The following ZNF726 variants were observed in gnomAD, a reference collection of about 807,000 sequenced individuals.
ZNF726 encodes the protein zinc finger protein 726.
A neutral mutation model predicts 11.6 loss-of-function variants in ZNF726; 15 were observed. The observed-to-expected ratio is 1.29, with a 90% confidence interval of 0.86 to 1.99. The LOEUF is 1.99. Ranked by LOEUF, ZNF726 falls within the 30% of genes most tolerant of loss-of-function variation. The probability of loss-of-function intolerance (pLI) is 0.00; values close to 1 mark genes in which losing one functional copy is unlikely to be tolerated. For synonymous variants in ZNF726, 295 were observed against 243.6 expected (o/e 1.21, Z -1.96); for missense variants, 890 against 725.6 (o/e 1.23, Z -2.60).
chr19:23,933,507 G>C lies in ZNF726; in HGVS notation c.1391G>C (p.Arg464Pro), dbSNP rs935012299. 1 of 1,610,458 alleles carries C rather than the reference G, an allele frequency of 6.2e-7. No homozygotes were observed. Residue 464 changes from arginine (R) to proline (P), a missense_variant, in exon 4 of 4, where the codon CGA becomes CCA. Transcript: ENST00000594466. ...KCEECSKAFS[R>P]SSALTTHKRM... The stretch of plus-strand genomic sequence containing the variant: ...GAAGAATGTAGTAAAGCATTTAGCC[G>C]ATCCTCAGCCCTAACTACACATAAG...
rs2144990848 is a variant in ZNF726, at chr19:23,933,393, A to C, written c.1277A>C (p.Lys426Thr). 1 of 1,612,832 alleles carries C rather than the reference A, an allele frequency of 6.2e-7. No individual in the cohort carries two copies. Among genetic ancestry groups the C allele is most frequent in the Middle Eastern group, 1.7e-4 (1 of 6,058 alleles). ...KIIHTGEKPY[K>T]CEECGKAFIW... is the part of the protein sequence containing the mutation. ...ATTCATACTGGAGAGAAACCTTACA[A>C]GTGTGAAGAATGCGGCAAAGCGTTT... Residue 426 changes from lysine to threonine, a missense_variant, in exon 4 of 4, where the codon AAG becomes ACG. Coordinates refer to ENST00000594466, the MANE Select transcript of ZNF726 (RefSeq NM_001244038.2).
chr19:23,921,276 G>T (rs1967843920), intron 3 of ZNF726: 1 of 147,302 alleles, frequency 6.8e-6, no homozygotes, highest in African/African-American at 2.5e-5. Context: ...AGCCTGGGCG[G>T]CAGAGCAAGA....
At position 23,933,673 on chromosome 19, in the gene ZNF726, A is replaced by G; in HGVS notation, c.1557A>G (p.Ile519Met). Residue 519 changes from isoleucine (I) to methionine (M), a missense_variant, in exon 4 of 4, where the codon ATA becomes ATG. Physicochemically the swap from Ile to Met is conservative, Grantham distance 10. Transcript: ENST00000594466. ...YKCEECGKAF[I>M]LSSTLSKHKR... Reference sequence around the variant, plus strand: ...GTGAAGAATGTGGCAAAGCATTTATATTGTCCTCGACCCTATCTAAACATA... The same window carrying G: ...GTGAAGAATGTGGCAAAGCATTTATGTTGTCCTCGACCCTATCTAAACATA... 6.2e-7 allele frequency: 1 copy of G among 1,610,800 alleles called. No individual in the cohort carries two copies. Among genetic ancestry groups the G allele is most frequent in the Non-Finnish European group, 8.5e-7 (1 of 1,179,562 alleles).
intron 1 of ZNF726, among the ~76,000 whole-genome samples, chr19:23,917,766 A>G (rs1230366259): frequency 2.6e-5 from 4 of 152,204 alleles, no homozygotes; most frequent in African/African-American, 9.7e-5. Flanking sequence ...AAATGTAAGC[A>G]CCTTAAAATG....
In ZNF726 at chr19:23,920,080, C is replaced by T; in HGVS notation, c.224C>T (p.Pro75Leu). Residue 75 changes from proline (P) to leucine (L), a missense_variant and splice_region_variant, in exon 3 of 4, where the codon CCA (proline) becomes CTA (leucine). Coordinates refer to ENST00000594466, the MANE Select transcript of ZNF726 (RefSeq NM_001244038.2). ...CGAGATGAGATGGTGGATGAACCCCCAGGTAGGTGAGAGTGAATACAACAG... is the reference window on the plus strand; with the variant it reads ...CGAGATGAGATGGTGGATGAACCCCTAGGTAGGTGAGAGTGAATACAACAG... ...MKRDEMVDEPPGICPHFAQDI... is the reference protein window; with the variant it reads ...MKRDEMVDEPLGICPHFAQDI... 1.3e-6 allele frequency: 2 copies of T among 1,576,900 alleles called. No homozygotes were observed. Among genetic ancestry groups the T allele is most frequent in the Non-Finnish European group, 1.7e-6 (2 of 1,157,322 alleles).
At chr19:23,929,826 C>T (rs931471271) in intron 3 of ZNF726, among the ~76,000 whole-genome samples, 2 of 152,006 alleles carry the variant, frequency 1.3e-5, no homozygotes, top group African/African-American at 4.8e-5. Flanking sequence ...TACAGAATAG[C>T]TTTAAGAGTT....
intron 3 of ZNF726, among the ~76,000 whole-genome samples, chr19:23,927,597 T>C (rs902150945): frequency 1.3e-5 from 2 of 152,192 alleles, no homozygotes; most frequent in African/African-American, 4.8e-5. Context: ...GCTCAAGTGA[T>C]CTTTCCACCT....
At chr19:23,943,030 G>A (rs1440079996) in intron 3 of ZNF726, among the ~76,000 whole-genome samples, 1 of 151,954 alleles carries the variant, frequency 6.6e-6, no homozygotes, top group Non-Finnish European at 1.5e-5. Flanking sequence ...TTTGGGGAGG[G>A]AAGGTGAGGG....
Position 23,932,575 on chromosome 19 carries a change from CTT to C in ZNF726, c.462_463del (p.Phe154LeufsTer2), listed in dbSNP as rs2077051820. On this transcript the variant is annotated frameshift_variant, in exon 4 of 4. Transcript: ENST00000594466. LOFTEE classifies it low-confidence loss of function (END_TRUNC). ...ASQCGKYLKV[F>X]YKFINLNRYK... Reference sequence around the variant, plus strand: ...CTCAATGTGGTAAATATTTGAAAGTCTTTTATAAATTTATAAATTTAAACAGA... The same window carrying C: ...CTCAATGTGGTAAATATTTGAAAGTCTTATAAATTTATAAATTTAAACAGA... 1 of 1,566,334 alleles carries C rather than the reference CTT, an allele frequency of 6.4e-7. No individual in the cohort carries two copies. The highest frequency in any genetic ancestry group is 8.6e-7 in the Non-Finnish European group (1 of 1,158,024).
At chr19:23,925,882 CATT>C (rs1018781114) in intron 3 of ZNF726, among the ~76,000 whole-genome samples, 1 of 151,196 alleles carries the variant, frequency 6.6e-6, no homozygotes, top group Non-Finnish European at 1.5e-5. Flanking sequence ...ATGCCTGGCT[CATT>C]TTTGTATTTT....
At chr19:23,934,804 A>G (rs913917377), downstream of ZNF726, among the ~76,000 whole-genome samples, 4 of 152,218 alleles carry the variant, frequency 2.6e-5, no homozygotes, top group African/African-American at 7.2e-5. Flanking sequence ...CCAGAATTCA[A>G]TGACTCCAAG....
In ZNF726 at chr19:23,932,352, C is replaced by A. The variant is rs1407378484; in HGVS notation, c.236C>A (p.Pro79His). 32 of 1,405,500 alleles carry A rather than the reference C, an allele frequency of 2.3e-5. No homozygotes were observed. In the East Asian group the frequency reaches 7.9e-4, roughly 35 times the overall value. 87.1% of individuals were successfully genotyped at this position (1,405,500 alleles called of 1,614,324 possible). The change falls in exon 4 of 4, where the codon CCT becomes CAT. Residue 79 changes from proline to histidine, a missense_variant. Coordinates refer to ENST00000594466, the MANE Select transcript of ZNF726 (RefSeq NM_001244038.2). ...EMVDEPPGIC[P>H]HFAQDIWPEQ... ...TTTAATTTTTTTTTAGGTATATGTC[C>A]TCATTTTGCTCAAGACATTTGGCCA...
intron 2 of ZNF726, 121 bp downstream of exon 2, chr19:23,919,620 TG>T: frequency 7.7e-7 from 1 of 1,299,032 alleles, no homozygotes; most frequent in Non-Finnish European, 1.0e-6. Flanking sequence ...CCTGGGGATT[TG>T]TCTGTTTAGA....
intron 3 of ZNF726, 126 bp downstream of exon 3, chr19:23,920,208 A>T (rs772527065): frequency 1.3e-4 from 54 of 423,546 alleles, no homozygotes; most frequent in Non-Finnish European, 1.8e-4. Context: ...CCTGAAATTT[A>T]AAAAAAAATA....
At chr19:23,916,924 A>G (rs1599448494) in intron 1 of ZNF726, among the ~76,000 whole-genome samples, 2 of 151,994 alleles carry the variant, frequency 1.3e-5, no homozygotes, top group East Asian at 3.9e-4. Context: ...CCTTGAAAGG[A>G]TTTGTTCATT....
chr19:23,915,259 C>T (rs966269786), intron 1 of ZNF726, among the ~76,000 whole-genome samples: 2 of 152,106 alleles, frequency 1.3e-5, no homozygotes, highest in Non-Finnish European at 2.9e-5. Flanking sequence ...ACCAGTAGCC[C>T]CGCGTCTCTC....
downstream of ZNF726, among the ~76,000 whole-genome samples, chr19:23,936,344 AAAG>A (rs1162398097): frequency 5.9e-5 from 9 of 152,220 alleles, no homozygotes; most frequent in East Asian, 1.9e-4. Context: ...TATAACTTTA[AAAG>A]AAGAATATTT....
In ZNF726 at chr19:23,934,411, C is replaced by A; in HGVS notation, c.*444C>A. On this transcript the variant is annotated 3_prime_UTR_variant, in exon 4 of 4. Coordinates refer to ENST00000594466, the MANE Select transcript of ZNF726 (RefSeq NM_001244038.2). ...ACAAATGTGAAAAATGTGTCAAAGC[C>A]TTTAAGCAGTCTTCAATCCTGAGTA... 2.1e-6 allele frequency: 1 copy of A among 481,032 alleles called. No individual in the cohort carries two copies. Among genetic ancestry groups the A allele is most frequent in the Middle Eastern group, 3.3e-4 (1 of 3,014 alleles). The allele number at this position is 481,032 out of a possible 1,614,324, so 29.8% of individuals were successfully genotyped here.
At chr19:23,930,947 G>A (rs150432038) in intron 3 of ZNF726, among the ~76,000 whole-genome samples, 4 of 152,104 alleles carry the variant, frequency 2.6e-5, no homozygotes, top group East Asian at 1.9e-4. Context: ...ATCTTAATAC[G>A]TATTAAACAG....
Sources: gnomAD v4.1 joint callset for allele counts (sites outside exome capture counted in the v4.1 genomes callset) on GRCh38, gnomAD v4.1.1 for gene constraint, MANE v1.5 for transcripts, NCBI Gene and HGNC (gene_info 2026-07-23, HGNC 2026-07-21) for gene names.